Variants in DIS3L2 observed in about 807,000 individuals in gnomAD.
The protein encoded by DIS3L2 is DIS3-like exonuclease 2.
A neutral mutation model predicts 97.5 loss-of-function variants in DIS3L2; 34 were observed. The ratio of observed to expected loss-of-function variants is 0.35; its 90% CI spans 0.27 to 0.46. The LOEUF (loss-of-function observed/expected upper bound fraction) is 0.46. Among genes scored for constraint, DIS3L2 ranks in the 20% least tolerant of loss-of-function variants. DIS3L2 has a pLI of 1.00. For synonymous variants in DIS3L2, 435 were observed against 445.2 expected (o/e 0.98, Z 0.29); for missense variants, 1,038 against 1,146.0 (o/e 0.91, Z 1.36).
chr2:232,247,294 A>G (rs970357193), intron 11 of DIS3L2, among the ~76,000 whole-genome samples: 2 of 152,200 alleles, frequency 1.3e-5, no homozygotes, highest in African/African-American at 4.8e-5. Context: ...TCAGGCTCCT[A>G]TAGTAACATG....
At chr2:232,140,529 A>C (rs1698481525) in intron 8 of DIS3L2, among the ~76,000 whole-genome samples, 1 of 152,210 alleles carries the variant, frequency 6.6e-6, no homozygotes, top group African/African-American at 2.4e-5. Context: ...CTATGACTTC[A>C]AAGTCCATGC....
chr2:232,307,988 G>A (rs1357461570), intron 14 of DIS3L2, among the ~76,000 whole-genome samples: 1 of 152,222 alleles, frequency 6.6e-6, no homozygotes, highest in Admixed American at 6.5e-5. Context: ...AGGGAGTGCT[G>A]ATTCCAGCCG....
At chr2:232,188,725 TG>T (rs1489818239) in intron 9 of DIS3L2, among the ~76,000 whole-genome samples, 1 of 152,200 alleles carries the variant, frequency 6.6e-6, no homozygotes, top group East Asian at 1.9e-4. Flanking sequence ...GTTGGTAAAT[TG>T]GATCTCATCA....
intron 13 of DIS3L2, among the ~76,000 whole-genome samples, chr2:232,295,276 T>G (rs1238584369): frequency 2.0e-5 from 3 of 152,066 alleles, no homozygotes; most frequent in African/African-American, 7.2e-5. Flanking sequence ...TTCCTCAAAC[T>G]CCTTCCCCCA....
intron 15 of DIS3L2, 25 bp downstream of exon 15, chr2:232,330,021 G>T (rs753427153): frequency 4.4e-6 from 7 of 1,587,590 alleles, no homozygotes; most frequent in Middle Eastern, 1.7e-4. Flanking sequence ...GGATTCGGGG[G>T]AGGCCCTGCT....
intron 9 of DIS3L2, among the ~76,000 whole-genome samples, chr2:232,188,988 G>A (rs1008313066): frequency 6.6e-6 from 1 of 152,102 alleles, no homozygotes; most frequent in African/African-American, 2.4e-5. Context: ...CGACCCATTC[G>A]AGAATGCAAA....
intron 9 of DIS3L2, among the ~76,000 whole-genome samples, chr2:232,182,781 A>G (rs538026458): frequency 1.4e-3 from 218 of 152,278 alleles, no homozygotes; most frequent in African/African-American, 5.0e-3. Context: ...ACATGCATAC[A>G]CACACAGGCA....
In DIS3L2 at chr2:232,281,094, T is replaced by C. The variant is rs907493971; in HGVS notation, c.1659+17654T>C. Among the ~76,000 whole-genome samples the C allele has an allele frequency of 6.6e-6, 1 of 152,154 alleles. No individual in the cohort carries two copies. On this transcript the variant is annotated intron_variant, in intron 13 of 20. Coordinates refer to ENST00000325385, the MANE Select transcript of DIS3L2 (RefSeq NM_152383.5). The surrounding 1 kb of genome is among the most constrained non-coding windows in gnomAD (Gnocchi z 4.1). ...GGCTGATCTGGAGGAACTTGTTTGC[T>C]CTGCCTTGAAATATGAGTGTTTTCG...
chr2:231,978,581 A>G (rs1485206247), intron 1 of DIS3L2: 1 of 152,254 alleles, frequency 6.6e-6, no homozygotes, highest in Non-Finnish European at 1.5e-5. Context: ...GAAGTAAAAG[A>G]GAATGATTTC....
At chr2:231,973,799 C>T (rs1478991457) in intron 1 of DIS3L2, among the ~76,000 whole-genome samples, 3 of 152,160 alleles carry the variant, frequency 2.0e-5, no homozygotes, top group Non-Finnish European at 2.9e-5. Context: ...TTAGTTATGG[C>T]TTTTCCCCAC....
chr2:232,331,616 C>T (rs1695739849), intron 16 of DIS3L2: 1 of 152,228 alleles, frequency 6.6e-6, no homozygotes, highest in Non-Finnish European at 1.5e-5. Context: ...GTGGCACCCA[C>T]AGCGGAGAGG....
chr2:232,125,924 G>A (rs559727435), intron 6 of DIS3L2, among the ~76,000 whole-genome samples: 1 of 152,302 alleles, frequency 6.6e-6, no homozygotes, highest in South Asian at 2.1e-4. Context: ...GGTTTTGAGA[G>A]ATCCAGAAGG....
intron 1 of DIS3L2, among the ~76,000 whole-genome samples, chr2:231,984,048 T>C (rs545936986): frequency 5.6e-4 from 85 of 152,184 alleles, no homozygotes; most frequent in Middle Eastern, 3.4e-3. Flanking sequence ...TTTTTGCGTA[T>C]TGGATTTTCT....
chr2:231,986,455 C>G (rs1693417622), intron 1 of DIS3L2, among the ~76,000 whole-genome samples: 1 of 152,154 alleles, frequency 6.6e-6, no homozygotes, highest in East Asian at 1.9e-4. Context: ...AGCAACGTCC[C>G]TTTTAGCATC....
chr2:232,333,150 CCTCCTCCTT>C (rs1012325370), intron 16 of DIS3L2, among the ~76,000 whole-genome samples: 6 of 128,376 alleles, frequency 4.7e-5, no homozygotes, highest in African/African-American at 2.0e-4. Context: ...CCTTCCACCA[CCTCCTCCTT>C]CTCCTCCTCC....
intron 5 of DIS3L2, among the ~76,000 whole-genome samples, chr2:232,047,952 T>C (rs1448575647): frequency 6.6e-6 from 1 of 152,240 alleles, no homozygotes; most frequent in Admixed American, 6.5e-5. Context: ...ATGCCACATT[T>C]TGTTATCCTT....
chr2:232,266,610 G>T (rs1484666306), intron 13 of DIS3L2, among the ~76,000 whole-genome samples: 1 of 152,130 alleles, frequency 6.6e-6, no homozygotes, highest in Admixed American at 6.5e-5. Context: ...AAGGACTCTG[G>T]TGAGGTCATT....
chr2:232,337,139 ATGAT>A lies in DIS3L2; in HGVS notation c.*514_*517del, dbSNP rs376023133. ...CGATTCAGAGCTGGCTGCCTGGCAG[ATGAT>A]TGATACTGGAGTCTCATTCTGCCTG... On this transcript the variant is annotated 3_prime_UTR_variant, in exon 21 of 21. Coordinates refer to ENST00000325385, the MANE Select transcript of DIS3L2 (RefSeq NM_152383.5). 3.4e-5 allele frequency: 34 copies of A among 1,009,976 alleles called. No homozygotes were observed. Among genetic ancestry groups the A allele is most frequent in the Admixed American group, 2.8e-4 (5 of 17,698 alleles). The allele number at this position is 1,009,976 out of a possible 1,614,324, so 62.6% of individuals were successfully genotyped here. A position where few individuals can be genotyped will look rare whatever the true frequency, so the allele number is the denominator to read the frequency against.
chr2:232,057,385 G>A (rs918290349), intron 5 of DIS3L2, among the ~76,000 whole-genome samples: 7 of 152,094 alleles, frequency 4.6e-5, no homozygotes, highest in South Asian at 2.1e-4. Flanking sequence ...TGAGCAAGTC[G>A]CAATTTTGGG....
Sources: allele counts gnomAD v4.1 joint callset (sites outside exome capture counted in the v4.1 genomes callset), GRCh38; gene constraint gnomAD v4.1.1; non-coding constraint Gnocchi (gnomAD v3.1); transcripts MANE v1.5; gene names NCBI Gene and HGNC (gene_info 2026-07-23, HGNC 2026-07-21).